DHRS12: variants seen among roughly 807,000 people sequenced by gnomAD.
The protein encoded by DHRS12 is dehydrogenase/reductase SDR family member 12.
In DHRS12, 29 loss-of-function variants were observed where a neutral mutation model predicts 32.1. The ratio of observed to expected loss-of-function variants is 0.90; its 90% CI spans 0.67 to 1.23. The LOEUF (loss-of-function observed/expected upper bound fraction) is 1.23. DHRS12 is among the 50% of genes most tolerant of loss of function. The pLI, the probability that DHRS12 is intolerant of heterozygous loss-of-function variation, is 0.00. For missense variants in DHRS12, 330 were observed against 337.2 expected (o/e 0.98, Z 0.17); for synonymous variants, 150 against 135.9 (o/e 1.10, Z -0.72).
In DHRS12 at chr13:51,799,115, C is replaced by T. The variant is rs147372679; in HGVS notation, c.126+419G>A. Reference sequence around the variant, plus strand: ...ATAACTACCATCCACATCCAAATTGCAGTGGACTTTGAGGCTCCCCCTCCC... The same window carrying T: ...ATAACTACCATCCACATCCAAATTGTAGTGGACTTTGAGGCTCCCCCTCCC... On this transcript the variant is annotated intron_variant, in intron 2 of 8. Coordinates refer to ENST00000444610, the MANE Select transcript of DHRS12 (RefSeq NM_001377533.1). Among the ~76,000 whole-genome samples, 73 of 152,336 alleles carry T rather than the reference C, an allele frequency of 4.8e-4. 3 individuals carry two copies. The East Asian group carries it at 0.013, about 27-fold the overall frequency.
chr13:51,803,731 G>T (rs749909720), intron 1 of DHRS12: 1 of 237,230 alleles, frequency 4.2e-6, no homozygotes, highest in Non-Finnish European at 8.1e-6. Flanking sequence ...CACACCCAGC[G>T]GGGCGCCGAG....
chr13:51,756,860 C>T, the DHRS12 span, among the ~76,000 whole-genome samples: 16 of 152,278 alleles, frequency 1.1e-4, no homozygotes, highest in Middle Eastern at 3.4e-3. Flanking sequence ...TTTCATTTTC[C>T]GGGAAGAGCT....
intron 2 of DHRS12, among the ~76,000 whole-genome samples, chr13:51,798,700 G>A (rs1271827426): frequency 6.6e-6 from 1 of 150,946 alleles, no homozygotes; most frequent in Non-Finnish European, 1.5e-5. Context: ...ATAGTCCCCT[G>A]AAAAATGCCT....
At chr13:51,755,389 A>G in the DHRS12 span, 3 of 1,614,216 alleles carry the variant, frequency 1.9e-6, no homozygotes, top group Admixed American at 1.7e-5. Flanking sequence ...GATTCCTGCC[A>G]AAAGTGTGAT....
At position 51,772,357 on chromosome 13, in the gene DHRS12, G is replaced by A. The variant is rs558307732; in HGVS notation, c.469-446C>T. 5.9e-5 allele frequency among the ~76,000 whole-genome samples: 9 copies of A among 152,232 alleles called. No individual in the cohort carries two copies. The South Asian group carries it at 1.9e-3, about 32-fold the overall frequency. ...TTCAGCTAATATGGGAATTAAGGCC[G>A]GTGGCTCAAGTCTGTAATCCCAACA... On this transcript the variant is annotated intron_variant, in intron 6 of 8. Coordinates refer to ENST00000444610, the MANE Select transcript of DHRS12 (RefSeq NM_001377533.1).
chr13:51,763,525 G>A (rs137997845), downstream of DHRS12: 3 of 152,352 alleles, frequency 2.0e-5, no homozygotes, highest in Non-Finnish European at 2.9e-5. Flanking sequence ...AAGGCCAGGT[G>A]CCATGGCTCA....
chr13:51,768,183 T>A lies in DHRS12; in HGVS notation c.*4A>T. ...TTCTGGTACCGCACTGTGTCTGGGT[T>A]GGCCTATTTAAATGTCTGAGCCAGC... On this transcript the variant is annotated 3_prime_UTR_variant, in exon 9 of 9. Coordinates refer to ENST00000444610, the MANE Select transcript of DHRS12 (RefSeq NM_001377533.1). The A allele has an allele frequency of 6.5e-7, 1 of 1,536,160 alleles. No homozygotes were observed. The highest frequency in any genetic ancestry group is 8.7e-7 in the Non-Finnish European group (1 of 1,146,912).
At chr13:51,766,231 A>G (rs1444152942), downstream of DHRS12, 1 of 152,184 alleles carries the variant, frequency 6.6e-6, no homozygotes, top group African/African-American at 2.4e-5. Context: ...TCATTTTGCA[A>G]AAGGAAATCT....
rs561459414 is a variant in DHRS12 at position 51,786,094 on chromosome 13, C to T, written c.301+3917G>A. On this transcript the variant is annotated intron_variant, in intron 4 of 8. Transcript: ENST00000444610. ...TGGGATGTGCCCGAGGAGGGTGCCA[C>T]GTAACAGAATGTCAAGCGACAACAC... 1.6e-4 allele frequency among the ~76,000 whole-genome samples: 24 copies of T among 152,298 alleles called. No individual in the cohort carries two copies. The South Asian group carries it at 5.0e-3, about 32-fold the overall frequency.
chr13:51,785,451 G>A (rs1199553532), intron 4 of DHRS12, among the ~76,000 whole-genome samples: 1 of 152,146 alleles, frequency 6.6e-6, no homozygotes, highest in African/African-American at 2.4e-5. Context: ...GGAGCTCTGT[G>A]AAATGATTTG....
At chr13:51,799,716 A>G (rs1690737849) in intron 1 of DHRS12, 49 bp from the exon 2 acceptor site, 2 of 1,599,806 alleles carry the variant, frequency 1.3e-6, no homozygotes, top group African/African-American at 2.7e-5. Context: ...AGTGGGGAAC[A>G]CAAACCCCTG....
At chr13:51,766,053 A>G (rs1209801286), downstream of DHRS12, 9 of 152,238 alleles carry the variant, frequency 5.9e-5, no homozygotes, top group African/African-American at 1.7e-4. Context: ...AATGTTTCAC[A>G]TATACACTTT....
chr13:51,777,168 A>C, intron 4 of DHRS12, 47 bp from the exon 5 acceptor site: 1 of 1,606,800 alleles, frequency 6.2e-7, no homozygotes, highest in Non-Finnish European at 8.5e-7. Flanking sequence ...GGAAGCCCCA[A>C]CTCAAGGGGT....
intron 4 of DHRS12, among the ~76,000 whole-genome samples, chr13:51,787,819 A>G (rs1424116498): frequency 1.5e-5 from 2 of 130,488 alleles, no homozygotes; most frequent in African/African-American, 2.9e-5. Flanking sequence ...TATAATTTAT[A>G]TATTATAAAT....
the DHRS12 span, chr13:51,760,416 T>G: frequency 6.6e-6 from 1 of 152,164 alleles, no homozygotes; most frequent in Non-Finnish European, 1.5e-5. Flanking sequence ...TAGAAAAGAC[T>G]GTGTTTCTGC....
At chr13:51,793,346 G>T (rs1442469611) in intron 2 of DHRS12, among the ~76,000 whole-genome samples, 1 of 152,186 alleles carries the variant, frequency 6.6e-6, no homozygotes, top group Non-Finnish European at 1.5e-5. Flanking sequence ...TACAGACGAG[G>T]ATCTGAGCAA....
chr13:51,777,748 T>C (rs1428980114), intron 4 of DHRS12, among the ~76,000 whole-genome samples: 1 of 152,212 alleles, frequency 6.6e-6, no homozygotes, highest in Non-Finnish European at 1.5e-5. Context: ...AGGAAAGATG[T>C]GTCAAGATGA....
downstream of DHRS12, chr13:51,765,647 G>A (rs942478261): frequency 6.6e-6 from 1 of 152,184 alleles, no homozygotes; most frequent in East Asian, 1.9e-4. Flanking sequence ...CTTGGATAAC[G>A]GAGAGCCTAT....
the DHRS12 span, chr13:51,759,913 C>T: frequency 1.2e-6 from 1 of 836,604 alleles, no homozygotes; most frequent in Non-Finnish European, 1.9e-6. Context: ...TACCCATGTG[C>T]ACAGTGGGGA....
Sources: allele counts gnomAD v4.1 joint callset (sites outside exome capture counted in the v4.1 genomes callset), GRCh38; gene constraint gnomAD v4.1.1; transcripts MANE v1.5; gene names NCBI Gene and HGNC (gene_info 2026-07-23, HGNC 2026-07-21).